PTPN23: variants seen among roughly 807,000 people sequenced by gnomAD.
PTPN23 encodes the protein protein tyrosine phosphatase non-receptor type 23, also known as tyrosine-protein phosphatase non-receptor type 23.
A neutral mutation model predicts 156.3 loss-of-function variants in PTPN23; 72 were observed. The observed-to-expected ratio is 0.46, with a 90% CI of 0.38 to 0.56. The LOEUF (loss-of-function observed/expected upper bound fraction) is 0.56, where lower values mean the gene tolerates loss of function less well. PTPN23 is among the 20% of genes least tolerant of loss of function. The pLI is 0.00. For synonymous variants in PTPN23, 957 were observed against 899.6 expected, an observed-to-expected ratio of 1.06 and a Z score of -1.14; for missense variants, 1,974 against 2,171.5, an observed-to-expected ratio of 0.91 and a Z score of 1.81.
intron 1 of PTPN23, among the ~76,000 whole-genome samples, chr3:47,389,766 G>T (rs1427929895): frequency 2.0e-5 from 3 of 151,224 alleles, no homozygotes; most frequent in Non-Finnish European, 2.9e-5. Flanking sequence ...CGTGAACCCG[G>T]GGGGGTGGAG....
chr3:47,386,355 G>A (rs1704651782), intron 1 of PTPN23, among the ~76,000 whole-genome samples: 1 of 152,030 alleles, frequency 6.6e-6, no homozygotes, highest in African/African-American at 2.4e-5. Flanking sequence ...TAATAGAGAT[G>A]GGGTTTCGCC....
intron 1 of PTPN23, among the ~76,000 whole-genome samples, chr3:47,385,013 C>T (rs960733629): frequency 6.6e-6 from 1 of 152,276 alleles, no homozygotes; most frequent in Non-Finnish European, 1.5e-5. Flanking sequence ...CTGCCTGCCT[C>T]GGCCTCCCAA....
intron 1 of PTPN23, among the ~76,000 whole-genome samples, chr3:47,393,750 CTTAT>C (rs987673327): frequency 4.8e-4 from 73 of 151,812 alleles, no homozygotes; most frequent in African/African-American, 1.6e-3. Flanking sequence ...CCTTTAATCA[CTTAT>C]TTATTTGTTT....
intron 1 of PTPN23, among the ~76,000 whole-genome samples, chr3:47,386,517 C>T (rs904879617): frequency 6.6e-6 from 1 of 152,096 alleles, no homozygotes; most frequent in Non-Finnish European, 1.5e-5. Context: ...TATTCACATC[C>T]GGGTAGAAGC....
Position 47,410,492 on chromosome 3 carries a change from G to T in PTPN23, c.2694G>T (p.Arg898=). ...CCATCCCCAGCCACACAGCCCCACG[G>T]CCAAACCCCACCCCTGCTCCTCCCC... ...QAPIPSHTAP[R]PNPTPAPPPP... Residue 898 remains arginine, a synonymous_variant, in exon 20 of 25, where the codon CGG becomes CGT. Transcript: ENST00000265562. 1 of 1,606,352 alleles carries T rather than the reference G, an allele frequency of 6.2e-7. No homozygotes were observed. Among genetic ancestry groups the T allele is most frequent in the Non-Finnish European group, 8.5e-7 (1 of 1,176,652 alleles).
At chr3:47,381,445 C>G (rs577837620) in intron 1 of PTPN23, among the ~76,000 whole-genome samples, 1 of 152,316 alleles carries the variant, frequency 6.6e-6, no homozygotes, top group East Asian at 1.9e-4. Context: ...ATCCGCTGTT[C>G]CCACTGAGGC....
rs1244169486 is a variant in PTPN23 at position 47,382,808 on chromosome 3, C to A, written c.84+1628C>A. On this transcript the variant is annotated intron_variant, in intron 1 of 24. Coordinates refer to ENST00000265562, the MANE Select transcript of PTPN23 (RefSeq NM_015466.4). ...GGTTCACGCCATTCTCCTGCCTCAG[C>A]CTCCCAAGTAGCTGGGACTACAGGC... is the stretch of plus-strand genomic sequence containing the variant. 2.0e-5 allele frequency among the ~76,000 whole-genome samples: 3 copies of A among 150,540 alleles called. No homozygotes were observed. The Admixed American group carries it at 2.0e-4, about 10-fold the overall frequency.
intron 1 of PTPN23, among the ~76,000 whole-genome samples, chr3:47,389,419 T>C (rs1704721850): frequency 3.3e-5 from 5 of 152,068 alleles, no homozygotes; most frequent in Admixed American, 2.0e-4. Context: ...GAGACCAGCC[T>C]GGGCACCATA....
At chr3:47,409,870 T>G in intron 19 of PTPN23, 36 bp downstream of exon 19, 2 of 1,595,470 alleles carry the variant, frequency 1.3e-6, no homozygotes, top group Non-Finnish European at 8.5e-7. Context: ...GCGGCTCGGG[T>G]CCAGACAGGC....
rs753837919 is a variant in PTPN23 at position 47,406,645 on chromosome 3, C to T, written c.759+33C>T. ...CCTGGGGCCCCAGGGCGGGGCAGGG[C>T]GGGGCTGAGTGGCCACAGCTCAGGA... is the stretch of plus-strand genomic sequence containing the variant. On this transcript the variant is annotated intron_variant, in intron 8 of 24. Transcript: ENST00000265562. The surrounding 1 kb of genome is among the most constrained non-coding windows in gnomAD (Gnocchi z 5.8). 2.1e-5 allele frequency: 34 copies of T among 1,613,700 alleles called. No homozygotes were observed. Among genetic ancestry groups the T allele is most frequent in the South Asian group, 1.1e-4 (10 of 91,076 alleles).
chr3:47,409,879 G>C, intron 19 of PTPN23, 45 bp downstream of exon 19: 5 of 1,589,432 alleles, frequency 3.1e-6, no homozygotes, highest in Non-Finnish European at 4.3e-6. Flanking sequence ...GTCCAGACAG[G>C]CTGGGGTGAT....
chr3:47,391,705 A>G (rs1704776528), intron 1 of PTPN23, among the ~76,000 whole-genome samples: 2 of 152,114 alleles, frequency 1.3e-5, no homozygotes, highest in South Asian at 4.1e-4. Context: ...AGGATGTAGG[A>G]GTCTCCTGTC....
At chr3:47,412,670 T>C in intron 24 of PTPN23, 36 bp from the exon 25 acceptor site, 3 of 1,602,986 alleles carry the variant, frequency 1.9e-6, no homozygotes, top group Non-Finnish European at 1.7e-6. Flanking sequence ...GCCACAGCCT[T>C]GGGACTCCCT....
chr3:47,408,088 C>T, intron 14 of PTPN23, 133 bp downstream of exon 14: 1 of 1,182,898 alleles, frequency 8.5e-7, no homozygotes, highest in Non-Finnish European at 1.2e-6. Flanking sequence ...TGCCTTCCCG[C>T]CTGGGGTGGT....
chr3:47,408,350 T>G lies in PTPN23; in HGVS notation c.1190T>G (p.Phe397Cys). 6.2e-7 allele frequency: 1 copy of G among 1,613,716 alleles called. No individual in the cohort carries two copies. Among genetic ancestry groups the G allele is most frequent in the Non-Finnish European group, 8.5e-7 (1 of 1,179,768 alleles). ...GGCCCTGTTGCTCCCCACAGCCAGT[T>G]CATGGATTCAATGCAGTTGGATCCC... ...IEDKNEVLDQFMDSMQLDPET... is the reference protein window; with the variant it reads ...IEDKNEVLDQCMDSMQLDPET... The change falls in exon 15 of 25, where the codon TTC becomes TGC. Residue 397 changes from phenylalanine to cysteine, a missense_variant. This residue lies in a region of PTPN23 where 726 missense variants were observed against 929.5 expected (regional missense o/e 0.78). Transcript: ENST00000265562.
rs757677684 is a variant in PTPN23 at position 47,410,408 on chromosome 3, C to T, written c.2610C>T (p.Gly870=). The T allele has an allele frequency of 3.1e-6, 5 of 1,612,114 alleles. No individual in the cohort carries two copies. The highest frequency in any genetic ancestry group is 3.4e-6 in the Non-Finnish European group (4 of 1,179,392). Residue 870 remains glycine, a synonymous_variant, in exon 20 of 25, where the codon GGC becomes GGT. Coordinates refer to ENST00000265562, the MANE Select transcript of PTPN23 (RefSeq NM_015466.4). ...CGGCCCCACCTCCTCAATTCTCAGG[C>T]CCCGAGTTGGCCATGGCGGTTCGGC... ...LPSAPPPQFS[G]PELAMAVRPA...
chr3:47,410,044 C>T lies in PTPN23; in HGVS notation c.2246C>T (p.Pro749Leu). 6.2e-7 allele frequency: 1 copy of T among 1,611,602 alleles called. No homozygotes were observed. The highest frequency in any genetic ancestry group is 8.5e-7 in the Non-Finnish European group (1 of 1,179,078). The change falls in exon 20 of 25, where the codon CCC becomes CTC. Residue 749 changes from proline (P) to leucine (L), a missense_variant. Pro to Leu is a moderately conservative substitution (Grantham distance 98). Around this residue, in one of 4 missense-constraint regions of PTPN23, gnomAD observed 731 missense variants for 669.1 expected, o/e 1.09. Coordinates refer to ENST00000265562, the MANE Select transcript of PTPN23 (RefSeq NM_015466.4). ...CCCCCTGAGGAGCTGCGCAGCCTCC[C>T]CCCTGACATGGTGGCTGGCCCACGA... ...GDPPEELRSL[P>L]PDMVAGPRLP...
At chr3:47,384,455 CAAAA>C (rs56896052) in intron 1 of PTPN23, among the ~76,000 whole-genome samples, 10 of 78,478 alleles carry the variant, frequency 1.3e-4, no homozygotes, top group Admixed American at 6.9e-4. Flanking sequence ...GAGACTGTCT[CAAAA>C]AAAAAAAAAA....
rs1490414111 is a variant in PTPN23, at chr3:47,407,302, C to T, written c.865-7C>T. On this transcript the variant is annotated splice_polypyrimidine_tract_variant and splice_region_variant and intron_variant, in intron 10 of 24. Coordinates refer to ENST00000265562, the MANE Select transcript of PTPN23 (RefSeq NM_015466.4). The surrounding 1 kb of genome is among the most constrained non-coding windows in gnomAD (Gnocchi z 4.0). Reference sequence around the variant, plus strand: ...CTAAGGCCCCACCCCTGTCCCTAACCCCACAGGGCCAGCCTGACACTGTGC... The same window carrying T: ...CTAAGGCCCCACCCCTGTCCCTAACTCCACAGGGCCAGCCTGACACTGTGC... 3 of 1,613,768 alleles carry T rather than the reference C, an allele frequency of 1.9e-6. No homozygotes were observed. The highest frequency in any genetic ancestry group is 1.7e-5 in the Admixed American group (1 of 59,976).
Sources: gnomAD v4.1 joint callset for allele counts (sites outside exome capture counted in the v4.1 genomes callset) on GRCh38, gnomAD v4.1.1 for gene constraint, gnomAD v4.1.1 regional missense constraint, Gnocchi (gnomAD v3.1) non-coding constraint, MANE v1.5 for transcripts, NCBI Gene and HGNC (gene_info 2026-07-23, HGNC 2026-07-21) for gene names.